The following DCDC1 variants were observed in gnomAD, a reference collection of about 807,000 sequenced individuals.
DCDC1 encodes the protein doublecortin domain containing 1, also known as doublecortin domain-containing protein 1.
DCDC1 carries 200 observed loss-of-function variants against 178.3 expected under a neutral mutation model. The ratio of observed to expected loss-of-function variants is 1.12; its 90% CI spans 1.00 to 1.26. The LOEUF (loss-of-function observed/expected upper bound fraction) is 1.26, where lower values mean the gene tolerates loss of function less well. Among genes scored for constraint, DCDC1 ranks in the 50% most tolerant of loss-of-function variants. The pLI is 0.00. For missense variants in DCDC1, 1,983 were observed against 1,749.2 expected (o/e 1.13, Z -2.38); for synonymous variants, 690 against 604.8 (o/e 1.14, Z -2.07).
intron 7 of DCDC1, among the ~76,000 whole-genome samples, chr11:31,288,929 T>C (rs1947027819): frequency 6.6e-6 from 1 of 151,930 alleles, no homozygotes; most frequent in Non-Finnish European, 1.5e-5. Flanking sequence ...CTCCTTTACC[T>C]CATTCTTAAA....
chr11:30,928,724 A>G (rs1034333465), intron 22 of DCDC1, among the ~76,000 whole-genome samples: 1 of 48,648 alleles, frequency 2.1e-5, no homozygotes, highest in African/African-American at 7.7e-5. Flanking sequence ...AATATTACAT[A>G]ACATGACATG....
At chr11:31,146,695 T>A (rs1300604474) in intron 9 of DCDC1, among the ~76,000 whole-genome samples, 3 of 152,150 alleles carry the variant, frequency 2.0e-5, no homozygotes, top group Non-Finnish European at 4.4e-5. Context: ...TCCTAGATGA[T>A]CCAACCTAAA....
chr11:31,287,692 A>T (rs1291349656), intron 7 of DCDC1, among the ~76,000 whole-genome samples: 1 of 151,962 alleles, frequency 6.6e-6, no homozygotes, highest in African/African-American at 2.4e-5. Flanking sequence ...ATTTCCCAAG[A>T]TTTGAAAATA....
At chr11:31,338,863 A>G (rs1282855324) in intron 1 of DCDC1, among the ~76,000 whole-genome samples, 2 of 152,206 alleles carry the variant, frequency 1.3e-5, no homozygotes, top group African/African-American at 4.8e-5. Flanking sequence ...CCAGACTTTT[A>G]TATGAGTAAG....
chr11:31,099,401 C>T lies in DCDC1; in HGVS notation c.1983+2776G>A, dbSNP rs1958354002. Among the ~76,000 whole-genome samples, 4 of 152,252 alleles carry T rather than the reference C, an allele frequency of 2.6e-5. No homozygotes were observed. The South Asian group carries it at 6.2e-4, about 24-fold the overall frequency. ...ATTTTCAATGGCTCCTTGCTTTCTA[C>T]AGAAAAACCAGAATTCCCTAATATT... On this transcript the variant is annotated intron_variant, in intron 15 of 38. Transcript: ENST00000684477.
chr11:30,923,401 CT>C (rs10637054), intron 23 of DCDC1, among the ~76,000 whole-genome samples: 1,724 of 130,542 alleles, frequency 0.013, 48 homozygotes, highest in East Asian at 0.12. Flanking sequence ...TCCTCTTCTC[CT>C]TTTTTTTTTT....
intron 20 of DCDC1, among the ~76,000 whole-genome samples, chr11:30,960,805 C>A (rs1949049994): frequency 6.6e-6 from 1 of 152,038 alleles, no homozygotes; most frequent in Non-Finnish European, 1.5e-5. Context: ...CACAAGGCAG[C>A]CAAATAAGCT....
At chr11:31,113,649 A>G (rs912350291) in intron 11 of DCDC1, among the ~76,000 whole-genome samples, 3 of 152,060 alleles carry the variant, frequency 2.0e-5, no homozygotes, top group Non-Finnish European at 2.9e-5. Flanking sequence ...ATAGTATTCC[A>G]TGGTGTATAT....
At chr11:31,222,695 C>G (rs55897269) in intron 9 of DCDC1, among the ~76,000 whole-genome samples, 14,322 of 152,144 alleles carry the variant, frequency 0.094, 958 homozygotes, top group Non-Finnish European at 0.14. Flanking sequence ...TCTGAGGGCT[C>G]TCTTCTGGCT....
chr11:31,236,621 G>C (rs2136841574), intron 9 of DCDC1, among the ~76,000 whole-genome samples: 1 of 151,694 alleles, frequency 6.6e-6, no homozygotes, highest in South Asian at 2.1e-4. Context: ...AATACTTCAA[G>C]TAACTAGAAT....
At chr11:31,250,777 A>G (rs1350191213) in intron 8 of DCDC1, among the ~76,000 whole-genome samples, 6 of 148,816 alleles carry the variant, frequency 4.0e-5, no homozygotes, top group Admixed American at 6.7e-5. Flanking sequence ...TTTTTTTGAG[A>G]CGGAGTCTCG....
At chr11:31,221,711 C>T (rs1174919926) in intron 9 of DCDC1, among the ~76,000 whole-genome samples, 2 of 152,214 alleles carry the variant, frequency 1.3e-5, no homozygotes, top group East Asian at 1.9e-4. Context: ...ATGAATCACA[C>T]CCATGATCTC....
At chr11:31,142,817 T>C (rs184804852) in intron 9 of DCDC1, among the ~76,000 whole-genome samples, 1 of 152,250 alleles carries the variant, frequency 6.6e-6, no homozygotes, top group Admixed American at 6.5e-5. Flanking sequence ...ATAATTAAGC[T>C]GGGCAAGTTT....
intron 38 of DCDC1, among the ~76,000 whole-genome samples, chr11:30,877,491 T>G (rs1257702144): frequency 6.6e-6 from 1 of 152,204 alleles, no homozygotes; most frequent in Non-Finnish European, 1.5e-5. Flanking sequence ...TACCTAAGAT[T>G]GCTAGGGATC....
intron 6 of DCDC1, among the ~76,000 whole-genome samples, 187 bp from the exon 7 acceptor site, chr11:31,291,039 C>G (rs1947194430): frequency 6.6e-6 from 1 of 151,996 alleles, no homozygotes; most frequent in African/African-American, 2.4e-5. Context: ...GCTGTCTGCT[C>G]TGATAGCCTG....
At chr11:30,982,157 A>G (rs1235569305) in intron 20 of DCDC1, among the ~76,000 whole-genome samples, 1 of 152,206 alleles carries the variant, frequency 6.6e-6, no homozygotes, top group Non-Finnish European at 1.5e-5. Context: ...TCTTACAAAT[A>G]GTTTCTGACA....
At chr11:30,873,364 T>TAGAGAG (rs3076153) in intron 38 of DCDC1, among the ~76,000 whole-genome samples, 88 of 137,068 alleles carry the variant, frequency 6.4e-4, no homozygotes, top group East Asian at 1.9e-3. Context: ...TATATATATA[T>TAGAGAG]AGAGAGAGAG....
intron 2 of DCDC1, among the ~76,000 whole-genome samples, chr11:31,333,941 G>A (rs1950137236): frequency 6.6e-6 from 1 of 152,148 alleles, no homozygotes; most frequent in Admixed American, 6.5e-5. Context: ...CTAGGTTGGG[G>A]AAGTTCTCCT....
At chr11:30,935,632 C>T (rs1399997493) in intron 21 of DCDC1, among the ~76,000 whole-genome samples, 2 of 151,924 alleles carry the variant, frequency 1.3e-5, no homozygotes, top group African/African-American at 4.8e-5. Context: ...CAGCTCACTG[C>T]AACCTTTGCC....
Sources: gnomAD v4.1 joint callset for allele counts (sites outside exome capture counted in the v4.1 genomes callset) on GRCh38, gnomAD v4.1.1 for gene constraint, MANE v1.5 for transcripts, NCBI Gene and HGNC (gene_info 2026-07-23, HGNC 2026-07-21) for gene names.